Variants in GPATCH8 observed in about 807,000 individuals in gnomAD.
GPATCH8 encodes the protein G patch domain-containing protein 8.
A neutral mutation model predicts 118.3 loss-of-function variants in GPATCH8; 18 were observed. That is an observed-to-expected ratio of 0.15 (90% CI 0.11 to 0.23). The LOEUF (loss-of-function observed/expected upper bound fraction) is 0.23, where lower values mean the gene tolerates loss of function less well. Ranked by LOEUF, GPATCH8 falls within the 10% of genes least tolerant of loss-of-function variation. The pLI is 1.00. For synonymous variants in GPATCH8, 659 were observed against 684.7 expected (o/e 0.96, Z 0.59); for missense variants, 1,631 against 1,873.8 (o/e 0.87, Z 2.39).
At position 44,501,330 on chromosome 17, in the gene GPATCH8, T is replaced by C. The variant is rs542921457; in HGVS notation, c.45+1996A>G. Among the ~76,000 whole-genome samples the C allele has an allele frequency of 3.3e-5, 5 of 151,936 alleles. No individual in the cohort carries two copies. The South Asian group carries it at 6.3e-4, about 19-fold the overall frequency. ...TGCTTGGGAGGCTGAGGCAGAAGAA[T>C]TGCTTGAACCCGGGAGGCAGAGGTT... On this transcript the variant is annotated intron_variant, in intron 1 of 7. Transcript: ENST00000591680.
chr17:44,414,298 C>T (rs1291532825), intron 6 of GPATCH8, among the ~76,000 whole-genome samples: 2 of 151,792 alleles, frequency 1.3e-5, no homozygotes, highest in Non-Finnish European at 2.9e-5. Context: ...TTCATATACC[C>T]TAAAATTTAC....
chr17:44,448,414 G>C (rs1241545225), intron 3 of GPATCH8, among the ~76,000 whole-genome samples: 1 of 142,466 alleles, frequency 7.0e-6, no homozygotes, highest in Non-Finnish European at 1.5e-5. Flanking sequence ...TTAAAAATTG[G>C]CCAGACATGG....
intron 7 of GPATCH8, among the ~76,000 whole-genome samples, chr17:44,404,118 C>T (rs1381614941): frequency 1.3e-5 from 2 of 152,116 alleles, no homozygotes; most frequent in African/African-American, 2.4e-5. Flanking sequence ...TAAAAAACAA[C>T]GCCCCGCAAA....
chr17:44,480,650 G>C (rs1451723626), intron 1 of GPATCH8, among the ~76,000 whole-genome samples: 1 of 151,142 alleles, frequency 6.6e-6, no homozygotes, highest in African/African-American at 2.4e-5. Context: ...AACCCGGAAG[G>C]AGGAGGTTGC....
chr17:44,460,564 C>CA (rs2051505840), intron 3 of GPATCH8, among the ~76,000 whole-genome samples: 1 of 152,050 alleles, frequency 6.6e-6, no homozygotes, highest in African/African-American at 2.4e-5. Flanking sequence ...CTTTTGTTGG[C>CA]AAAAGCCTTG....
intron 3 of GPATCH8, among the ~76,000 whole-genome samples, chr17:44,449,040 T>G (rs1403749949): frequency 2.0e-5 from 3 of 151,968 alleles, no homozygotes; most frequent in African/African-American, 7.2e-5. Context: ...CTTTGGGAGG[T>G]TGAGGCGGGT....
chr17:44,399,816 G>A lies in GPATCH8; in HGVS notation c.2261C>T (p.Ser754Phe), dbSNP rs1441686811. Residue 754 changes from serine (S) to phenylalanine (F), a missense_variant, in exon 8 of 8, where the codon TCC becomes TTC. By Grantham distance (155) the Ser-to-Phe change is radical (BLOSUM62 -2). Transcript: ENST00000591680. ...TTCAGCTGGGAGGGATCTCCGCTGG[G>A]AGTCATCTTGAGCTCTCCGCCTTCT... Reference protein sequence around the residue: ...PRRRRRAQDDSQRRSLPAEEG... With the variant: ...PRRRRRAQDDFQRRSLPAEEG... 3 of 1,613,432 alleles carry A rather than the reference G, an allele frequency of 1.9e-6. No homozygotes were observed. The highest frequency in any genetic ancestry group is 1.7e-6 in the Non-Finnish European group (2 of 1,179,782).
At chr17:44,427,063 G>T (rs1399086694) in intron 5 of GPATCH8, among the ~76,000 whole-genome samples, 1 of 151,702 alleles carries the variant, frequency 6.6e-6, no homozygotes, top group East Asian at 1.9e-4. Context: ...ATATGTAATT[G>T]CCTAAATTAA....
intron 6 of GPATCH8, among the ~76,000 whole-genome samples, chr17:44,413,202 G>A (rs1019821066): frequency 4.6e-5 from 7 of 152,162 alleles, no homozygotes; most frequent in Non-Finnish European, 1.0e-4. Context: ...TTTGGTAAGA[G>A]AGAAAATTAG....
chr17:44,401,519 T>C, intron 7 of GPATCH8, 66 bp from the exon 8 acceptor site: 1 of 975,428 alleles, frequency 1.0e-6, no homozygotes, highest in Non-Finnish European at 1.7e-6. Flanking sequence ...ATAAACCTTA[T>C]AAAATACTAA....
At position 44,398,568 on chromosome 17, in the gene GPATCH8, T is replaced by TC; in HGVS notation, c.3508dup (p.Glu1170GlyfsTer16). On this transcript the variant is annotated frameshift_variant, in exon 8 of 8. Coordinates refer to ENST00000591680, the MANE Select transcript of GPATCH8 (RefSeq NM_001002909.4). LOFTEE classifies it high-confidence loss of function. Reference sequence around the variant, plus strand: ...TTCTGTCTCTGACTGTTCTTGCTCTTCCCCCCTTTCCAAGCCAGACTCTTC... The same window carrying TC: ...TTCTGTCTCTGACTGTTCTTGCTCTTCCCCCCCTTTCCAAGCCAGACTCTTC... The TC allele has an allele frequency of 6.4e-7, 1 of 1,568,418 alleles. No individual in the cohort carries two copies. The highest frequency in any genetic ancestry group is 8.6e-7 in the Non-Finnish European group (1 of 1,161,994).
intron 2 of GPATCH8, among the ~76,000 whole-genome samples, chr17:44,468,676 T>C (rs1967020335): frequency 6.6e-6 from 1 of 152,094 alleles, no homozygotes; most frequent in Non-Finnish European, 1.5e-5. Flanking sequence ...ATATATAATT[T>C]GGGGTTTAAT....
Position 44,398,286 on chromosome 17 carries a change from G to A in GPATCH8, c.3791C>T (p.Pro1264Leu). The change falls in exon 8 of 8, where the codon CCT (proline) becomes CTT (leucine). Residue 1264 changes from proline (P) to leucine (L), a missense_variant. Physicochemically the swap from Pro to Leu is moderately conservative, Grantham distance 98. Transcript: ENST00000591680. ...TATAGGCAGCAAGCTGGACTCCACA[G>A]GGCCTGGCTGACTGCTGCTATCCAG... Reference protein sequence around the residue: ...ESLDSSSQPGPVESSLLPIAP... With the variant: ...ESLDSSSQPGLVESSLLPIAP... 2 of 1,613,870 alleles carry A rather than the reference G, an allele frequency of 1.2e-6. No individual in the cohort carries two copies. Among genetic ancestry groups the A allele is most frequent in the Non-Finnish European group, 1.7e-6 (2 of 1,179,878 alleles).
At position 44,425,912 on chromosome 17, in the gene GPATCH8, T is replaced by C. The variant is rs148760449; in HGVS notation, c.349-1420A>G. Reference sequence around the variant, plus strand: ...GCTTTGATTTTCTTCTTGGGTATCATAAAAACAAAATTATGAATTAAAAAA... The same window carrying C: ...GCTTTGATTTTCTTCTTGGGTATCACAAAAACAAAATTATGAATTAAAAAA... On this transcript the variant is annotated intron_variant, in intron 5 of 7. Coordinates refer to ENST00000591680, the MANE Select transcript of GPATCH8 (RefSeq NM_001002909.4). 5.8e-3 allele frequency among the ~76,000 whole-genome samples: 885 copies of C among 152,144 alleles called. 3 individuals carry two copies. The highest frequency in any genetic ancestry group is 0.018 in the South Asian group (86 of 4,822).
In GPATCH8 at chr17:44,399,627, T is replaced by A; in HGVS notation, c.2450A>T (p.Asp817Val). ...TGAGGAAGCATCATCACTATCCTCA[T>A]CTCCACTACTGGGTTGGCTCCGATG... is the stretch of plus-strand genomic sequence containing the variant. ...SSHRSQPSSG[D>V]EDSDDASSHR... Residue 817 changes from aspartate to valine, a missense_variant, in exon 8 of 8, where the codon GAT becomes GTT. Asp to Val is a radical substitution (Grantham distance 152). Transcript: ENST00000591680. 6.2e-7 allele frequency: 1 copy of A among 1,614,180 alleles called. No homozygotes were observed. Among genetic ancestry groups the A allele is most frequent in the Non-Finnish European group, 8.5e-7 (1 of 1,180,016 alleles).
intron 2 of GPATCH8, among the ~76,000 whole-genome samples, chr17:44,470,372 A>G (rs1339587590): frequency 6.7e-6 from 1 of 148,790 alleles, no homozygotes. Flanking sequence ...TAAGTTTTGT[A>G]TTTTTAGTAG....
chr17:44,462,292 GA>G (rs1390225570), intron 3 of GPATCH8, among the ~76,000 whole-genome samples: 1 of 152,170 alleles, frequency 6.6e-6, no homozygotes, highest in Non-Finnish European at 1.5e-5. Context: ...AAATTGGAGA[GA>G]AAAGCAAATC....
chr17:44,483,495 C>T (rs1373177524), intron 1 of GPATCH8, among the ~76,000 whole-genome samples: 4 of 151,326 alleles, frequency 2.6e-5, no homozygotes, highest in African/African-American at 4.9e-5. Context: ...GTGATCTGCC[C>T]ACCTCGGCCT....
intron 3 of GPATCH8, among the ~76,000 whole-genome samples, chr17:44,448,555 GGAA>G (rs1314787319): frequency 1.0e-4 from 10 of 99,746 alleles, no homozygotes; most frequent in Non-Finnish European, 6.8e-5. Flanking sequence ...AAGAGGAAGA[GGAA>G]GAAGAAGAGG....
Sources: allele counts gnomAD v4.1 joint callset (sites outside exome capture counted in the v4.1 genomes callset), GRCh38; gene constraint gnomAD v4.1.1; transcripts MANE v1.5; gene names NCBI Gene and HGNC (gene_info 2026-07-23, HGNC 2026-07-21).